Variants in AASDH observed in about 807,000 individuals in gnomAD.
AASDH encodes beta-alanine-activating enzyme.
In AASDH, 81 loss-of-function variants were observed where a neutral mutation model predicts 102.3. That is an observed-to-expected ratio of 0.79 (90% CI 0.66 to 0.95). AASDH has a LOEUF of 0.95. Ranked by LOEUF, AASDH falls within the 40% of genes least tolerant of loss-of-function variation. The pLI, the probability that AASDH is intolerant of heterozygous loss-of-function variation, is 0.00. For synonymous variants in AASDH, 398 were observed against 454.0 expected, an observed-to-expected ratio of 0.88 and a Z score of 1.57; for missense variants, 1,203 against 1,266.2, an observed-to-expected ratio of 0.95 and a Z score of 0.76.
At chr4:56,371,695 C>T (rs906801006) in intron 4 of AASDH, 52 bp from the exon 5 acceptor site, 1 of 1,486,624 alleles carries the variant, frequency 6.7e-7, no homozygotes, top group Non-Finnish European at 9.1e-7. Context: ...TCAGTAAGCA[C>T]ATATCCTAAA....
chr4:56,380,775 G>A (rs960234028), intron 3 of AASDH, among the ~76,000 whole-genome samples: 5 of 152,150 alleles, frequency 3.3e-5, no homozygotes, highest in Non-Finnish European at 7.3e-5. Context: ...TCTTAGTGGA[G>A]TGCTGTCTTA....
chr4:56,350,034 G>T lies in AASDH; in HGVS notation c.1717C>A (p.Leu573Ile). Residue 573 changes from leucine (L) to isoleucine (I), a missense_variant, in exon 11 of 15, where the codon CTT becomes ATT. Leu to Ile is a conservative substitution (Grantham distance 5, BLOSUM62 2). Transcript: ENST00000205214. ...WKSTLNLPED[L>I]LRVPDESLFL... ...AGTGACTCATCAGGAACCCTCAAAA[G>T]ATCTTCTGGGAGATTCAGAGTAGAC... 6 of 1,596,460 alleles carry T rather than the reference G, an allele frequency of 3.8e-6. No homozygotes were observed. The highest frequency in any genetic ancestry group is 5.1e-6 in the Non-Finnish European group (6 of 1,177,650).
At chr4:56,384,706 T>G (rs747662200) in intron 1 of AASDH, among the ~76,000 whole-genome samples, 31 of 152,246 alleles carry the variant, frequency 2.0e-4, no homozygotes, top group Admixed American at 5.2e-4. Flanking sequence ...CACTTAATTT[T>G]TTTTTACTTT....
At chr4:56,355,597 T>G (rs1749537790) in intron 5 of AASDH, among the ~76,000 whole-genome samples, 174 bp from the exon 6 acceptor site, 2 of 144,622 alleles carry the variant, frequency 1.4e-5, no homozygotes, top group South Asian at 2.2e-4. Flanking sequence ...CTTCTTGTTT[T>G]TTTTTTTTTT....
At chr4:56,339,215 A>G (rs1747321025) in intron 14 of AASDH, among the ~76,000 whole-genome samples, 1 of 151,606 alleles carries the variant, frequency 6.6e-6, no homozygotes, top group African/African-American at 2.4e-5. Context: ...GTGCAGTGGC[A>G]TGATCTCAGC....
At position 56,371,514 on chromosome 4, in the gene AASDH, G is replaced by C; in HGVS notation, c.798C>G (p.Val266=). 6.2e-7 allele frequency: 1 copy of C among 1,613,294 alleles called. No homozygotes were observed. Among genetic ancestry groups the C allele is most frequent in the Non-Finnish European group, 8.5e-7 (1 of 1,179,932 alleles). ...GASLLIVPTS[V]KLLPSKLASV... is the part of the protein sequence containing the mutation. The stretch of plus-strand genomic sequence containing the variant: ...TGGCTAATTTTGATGGGAGCAACTT[G>C]ACGGAAGTTGGTACAATAAGCAGAG... The change falls in exon 5 of 15, where the codon GTC becomes GTG. Residue 266 remains valine, a synonymous_variant. Coordinates refer to ENST00000205214, the MANE Select transcript of AASDH (RefSeq NM_181806.4).
Position 56,371,446 on chromosome 4 carries a change from T to C in AASDH, c.861+5A>G, listed in dbSNP as rs1324247944. On this transcript the variant is annotated splice_donor_5th_base_variant and intron_variant, in intron 5 of 14. Coordinates refer to ENST00000205214, the MANE Select transcript of AASDH (RefSeq NM_181806.4). Reference sequence around the variant, plus strand: ...AACAAAACGTTCATTGCTACTAAAATGTACCTGCAAAACAGTCACTCTATG... The same window carrying C: ...AACAAAACGTTCATTGCTACTAAAACGTACCTGCAAAACAGTCACTCTATG... The C allele has an allele frequency of 2.5e-6, 4 of 1,589,760 alleles. No homozygotes were observed. The highest frequency in any genetic ancestry group is 1.4e-5 in the African/African-American group (1 of 73,406).
At chr4:56,346,566 T>C (rs557428334) in intron 11 of AASDH, among the ~76,000 whole-genome samples, 1 of 152,252 alleles carries the variant, frequency 6.6e-6, no homozygotes, top group East Asian at 1.9e-4. Context: ...ACTATGTCAC[T>C]ACGCTAAAAG....
rs201870595 is a variant in AASDH, at chr4:56,354,685, A to G, written c.1210+20T>C. On this transcript the variant is annotated intron_variant, in intron 7 of 14. Transcript: ENST00000205214. ...ATTTTTCTTGAAAAAAAAATTCCCA[A>G]TCAACAAATATAAAACAACCTAAAA... 2.6e-6 allele frequency: 4 copies of G among 1,558,278 alleles called. No individual in the cohort carries two copies. Among genetic ancestry groups the G allele is most frequent in the Non-Finnish European group, 3.5e-6 (4 of 1,150,900 alleles).
Position 56,384,196 on chromosome 4 carries a change from T to C in AASDH, c.104A>G (p.Tyr35Cys). Residue 35 changes from tyrosine (Y) to cysteine (C), a missense_variant, in exon 2 of 15, where the codon TAC (tyrosine) becomes TGC (cysteine). Tyr to Cys is a radical substitution (Grantham distance 194, BLOSUM62 -2). Coordinates refer to ENST00000205214, the MANE Select transcript of AASDH (RefSeq NM_181806.4). Reference sequence around the variant, plus strand: ...AGAAGCAGCATTAACCACAGTCTTGTAGGTGTAGTAAACTGGAAGCTGGTT... The same window carrying C: ...AGAAGCAGCATTAACCACAGTCTTGCAGGTGTAGTAAACTGGAAGCTGGTT... ...CNNQLPVYYT[Y>C]KTVVNAASEL... 1.9e-6 allele frequency: 3 copies of C among 1,614,106 alleles called. No homozygotes were observed. Among genetic ancestry groups the C allele is most frequent in the Non-Finnish European group, 2.5e-6 (3 of 1,180,010 alleles).
rs1751696477 is a variant in AASDH at position 56,371,470 on chromosome 4, T to A, written c.842A>T (p.His281Leu). 3 of 1,611,794 alleles carry A rather than the reference T, an allele frequency of 1.9e-6. No homozygotes were observed. Among genetic ancestry groups the A allele is most frequent in the Middle Eastern group, 1.7e-4 (1 of 6,056 alleles). Reference sequence around the variant, plus strand: ...ATGTACCTGCAAAACAGTCACTCTATGATGGGAAAAGAGAACGCTGGCTAA... The same window carrying A: ...ATGTACCTGCAAAACAGTCACTCTAAGATGGGAAAAGAGAACGCTGGCTAA... ...SKLASVLFSH[H>L]RVTVLQATPT... Residue 281 changes from histidine (H) to leucine (L), a missense_variant, in exon 5 of 15, where the codon CAT (histidine) becomes CTT (leucine). Coordinates refer to ENST00000205214, the MANE Select transcript of AASDH (RefSeq NM_181806.4).
chr4:56,377,271 C>T (rs557796675), intron 4 of AASDH, among the ~76,000 whole-genome samples: 1 of 152,168 alleles, frequency 6.6e-6, no homozygotes, highest in Admixed American at 6.5e-5. Flanking sequence ...AGGACTACAC[C>T]CCTAAGGTTC....
chr4:56,363,872 G>C (rs990601640), intron 5 of AASDH, among the ~76,000 whole-genome samples: 2 of 152,208 alleles, frequency 1.3e-5, no homozygotes, highest in African/African-American at 4.8e-5. Context: ...GCTGGACAGA[G>C]AATGACTTTG....
In AASDH at chr4:56,354,176, C is replaced by T. The variant is rs974715892; in HGVS notation, c.1246G>A (p.Val416Met). The T allele has an allele frequency of 2.5e-6, 4 of 1,596,482 alleles. No homozygotes were observed. Among genetic ancestry groups the T allele is most frequent in the Non-Finnish European group, 3.4e-6 (4 of 1,170,320 alleles). Residue 416 changes from valine (V) to methionine (M), a missense_variant, in exon 8 of 15, where the codon GTG becomes ATG. Coordinates refer to ENST00000205214, the MANE Select transcript of AASDH (RefSeq NM_181806.4). ...CGCATTGTGCCAAGTGGTACTGTCACTTCATCATCAAGAAAACACACTCTG... is the reference window on the plus strand; with the variant it reads ...CGCATTGTGCCAAGTGGTACTGTCATTTCATCATCAAGAAAACACACTCTG... Reference protein sequence around the residue: ...RNRVCFLDDEVTVPLGTMRAT... With the variant: ...RNRVCFLDDEMTVPLGTMRAT...
At chr4:56,342,989 A>G in intron 13 of AASDH, 23 bp from the exon 14 acceptor site, 1 of 1,545,410 alleles carries the variant, frequency 6.5e-7, no homozygotes, top group South Asian at 1.2e-5. Flanking sequence ...AAAGCAATTC[A>G]CAGCATTTTA....
intron 10 of AASDH, 79 bp from the exon 11 acceptor site, chr4:56,350,137 G>A: frequency 3.5e-6 from 4 of 1,159,204 alleles, no homozygotes; most frequent in Non-Finnish European, 3.6e-6. Context: ...GTAATATATA[G>A]AGATGAGAGT....
At chr4:56,356,878 A>C in intron 5 of AASDH, 1 of 969,634 alleles carries the variant, frequency 1.0e-6, no homozygotes, top group South Asian at 1.3e-5. Flanking sequence ...TGTGGCTCGC[A>C]TCGCCAAGCT....
chr4:56,354,843 A>G (rs759029491), intron 6 of AASDH, 32 bp from the exon 7 acceptor site: 2 of 1,509,258 alleles, frequency 1.3e-6, no homozygotes, highest in Non-Finnish European at 1.8e-6. Context: ...CAGATTTAAA[A>G]TTTTTCATTT....
At chr4:56,368,868 T>TAA (rs71666124) in intron 5 of AASDH, among the ~76,000 whole-genome samples, 1 of 107,870 alleles carries the variant, frequency 9.3e-6, no homozygotes, top group African/African-American at 3.1e-5. Context: ...AAACTTAAAT[T>TAA]AAAAAAAAAA....
Sources: allele counts gnomAD v4.1 joint callset (sites outside exome capture counted in the v4.1 genomes callset), GRCh38; gene constraint gnomAD v4.1.1; transcripts MANE v1.5; gene names NCBI Gene and HGNC (gene_info 2026-07-23, HGNC 2026-07-21).